The following RBFOX1 variants were observed in gnomAD, a reference collection of about 807,000 sequenced individuals.
The protein encoded by RBFOX1 is RNA binding fox-1 homolog 1, also known as RNA binding protein fox-1 homolog 1.
RBFOX1 carries 8 observed loss-of-function variants against 57.7 expected under a neutral mutation model. The ratio of observed to expected loss-of-function variants is 0.14; its 90% CI spans 0.08 to 0.25. The LOEUF (loss-of-function observed/expected upper bound fraction) is 0.25, where lower values mean the gene tolerates loss of function less well. Among genes scored for constraint, RBFOX1 ranks in the 10% least tolerant of loss-of-function variants. The pLI, the probability that RBFOX1 is intolerant of heterozygous loss-of-function variation, is 1.00. For missense variants in RBFOX1, 611 were observed against 548.5 expected, an observed-to-expected ratio of 1.11 and a Z score of -1.14; for synonymous variants, 326 against 222.4, an observed-to-expected ratio of 1.47 and a Z score of -4.15.
At chr16:6,836,360 A>G (rs551594489) in intron 3 of RBFOX1, among the ~76,000 whole-genome samples, 1 of 152,334 alleles carries the variant, frequency 6.6e-6, no homozygotes, top group Admixed American at 6.5e-5. Context: ...AGAAACTGAA[A>G]CACACAGCAA....
chr16:7,342,563 A>T (rs575243911), intron 4 of RBFOX1, among the ~76,000 whole-genome samples: 57 of 152,186 alleles, frequency 3.7e-4, no homozygotes, highest in African/African-American at 1.3e-3. Flanking sequence ...ATAAATCGAG[A>T]TGCTCTAGGT....
At chr16:7,371,666 C>G (rs1412789270) in intron 4 of RBFOX1, among the ~76,000 whole-genome samples, 1 of 152,166 alleles carries the variant, frequency 6.6e-6, no homozygotes, top group African/African-American at 2.4e-5. Flanking sequence ...AGGAGAATCG[C>G]TTGAACCCAT....
intron 3 of RBFOX1, among the ~76,000 whole-genome samples, chr16:6,872,675 C>T (rs890351934): frequency 1.3e-5 from 2 of 152,144 alleles, no homozygotes; most frequent in African/African-American, 2.4e-5. Flanking sequence ...ACTGTCACTG[C>T]TAGCAAAATT....
intron 2 of RBFOX1, among the ~76,000 whole-genome samples, chr16:6,479,250 A>G (rs1394166941): frequency 6.6e-6 from 1 of 152,204 alleles, no homozygotes; most frequent in African/African-American, 2.4e-5. Context: ...GAAACTTTCA[A>G]TTATGGCGGA....
At chr16:7,242,645 G>A (rs1343251153) in intron 4 of RBFOX1, among the ~76,000 whole-genome samples, 1 of 152,214 alleles carries the variant, frequency 6.6e-6, no homozygotes, top group African/African-American at 2.4e-5. Context: ...TCAGCATGCA[G>A]TCAATTCAGT....
intron 3 of RBFOX1, among the ~76,000 whole-genome samples, chr16:6,840,416 A>G (rs2093393603): frequency 6.6e-6 from 1 of 152,146 alleles, no homozygotes; most frequent in African/African-American, 2.4e-5. Flanking sequence ...GTTGAGTATG[A>G]TCACAGTCTT....
chr16:7,278,474 C>G (rs1001576050), intron 4 of RBFOX1, among the ~76,000 whole-genome samples: 1 of 152,180 alleles, frequency 6.6e-6, no homozygotes, highest in African/African-American at 2.4e-5. Flanking sequence ...TATTTACTTT[C>G]ATCATACAGA....
intron 4 of RBFOX1, among the ~76,000 whole-genome samples, chr16:5,984,976 A>ATATTTTTT (rs1359064334): frequency 1.8e-5 from 1 of 55,704 alleles, no homozygotes; most frequent in African/African-American, 8.7e-5. Context: ...ATATATATAT[A>ATATTTTTT]TTTTTTTTTT....
chr16:6,865,581 A>T (rs1045321571), intron 3 of RBFOX1, among the ~76,000 whole-genome samples: 1 of 152,170 alleles, frequency 6.6e-6, no homozygotes, highest in Non-Finnish European at 1.5e-5. Context: ...AATTGTAGAT[A>T]ATATTTTGTG....
chr16:5,766,413 C>A (rs558657913), intron 3 of RBFOX1, among the ~76,000 whole-genome samples: 1 of 152,182 alleles, frequency 6.6e-6, no homozygotes, highest in South Asian at 2.1e-4. Flanking sequence ...GACGAAACCT[C>A]GTCTCTACTA....
intron 2 of RBFOX1, among the ~76,000 whole-genome samples, chr16:5,479,065 C>T (rs2069430371): frequency 6.6e-6 from 1 of 152,190 alleles, no homozygotes; most frequent in Admixed American, 6.5e-5. Context: ...CTGTTCCCTT[C>T]CAGGACCCTG....
intron 5 of RBFOX1, among the ~76,000 whole-genome samples, chr16:7,556,996 G>A (rs1293919886): frequency 6.6e-6 from 1 of 152,038 alleles, no homozygotes; most frequent in Non-Finnish European, 1.5e-5. Flanking sequence ...TCATCATATG[G>A]ATATCATGAA....
At chr16:6,118,069 A>T (rs995955492) in intron 1 of RBFOX1, among the ~76,000 whole-genome samples, 1 of 152,202 alleles carries the variant, frequency 6.6e-6, no homozygotes, top group Non-Finnish European at 1.5e-5. Context: ...AGTCCAGAGA[A>T]TTTCTGTATA....
At chr16:7,254,341 C>T (rs920126066) in intron 4 of RBFOX1, among the ~76,000 whole-genome samples, 2 of 152,158 alleles carry the variant, frequency 1.3e-5, no homozygotes, top group Non-Finnish European at 2.9e-5. Context: ...GGAAGACCAA[C>T]CCTGGGCTCC....
At chr16:6,320,103 G>T (rs142957337) in intron 2 of RBFOX1, among the ~76,000 whole-genome samples, 1 of 152,208 alleles carries the variant, frequency 6.6e-6, no homozygotes, top group Non-Finnish European at 1.5e-5. Context: ...AAGGTTGGGA[G>T]GAGGTTGAGG....
rs1388441537 is a variant in RBFOX1, at chr16:6,780,219, TTA to T, written c.-16+125579_-16+125580del. On this transcript the variant is annotated intron_variant, in intron 3 of 15. Transcript: ENST00000550418. ...TATATTTTTATATATTTATATATAT[TTA>T]TATATATATTTATATATATTTACAT... Among the ~76,000 whole-genome samples the T allele has an allele frequency of 4.8e-4, 34 of 70,778 alleles. 2 individuals carry two copies. The highest frequency in any genetic ancestry group is 1.1e-3 in the South Asian group (2 of 1,820). 46.4% of individuals were successfully genotyped at this position (70,778 alleles called of 152,430 possible). A position where few individuals can be genotyped will look rare whatever the true frequency, so the allele number is the denominator to read the frequency against.
At chr16:5,532,270 G>A (rs999160849) in intron 2 of RBFOX1, among the ~76,000 whole-genome samples, 1 of 152,174 alleles carries the variant, frequency 6.6e-6, no homozygotes, top group East Asian at 1.9e-4. Flanking sequence ...TCCTCTAGTT[G>A]TGACAAGCAG....
chr16:6,747,768 G>A (rs993081609), intron 3 of RBFOX1, among the ~76,000 whole-genome samples: 1 of 152,060 alleles, frequency 6.6e-6, no homozygotes, highest in Non-Finnish European at 1.5e-5. Flanking sequence ...AGATTCCTGG[G>A]AGTTGTCAAT....
intron 3 of RBFOX1, among the ~76,000 whole-genome samples, chr16:6,982,525 C>T (rs1243977904): frequency 2.0e-5 from 3 of 152,098 alleles, no homozygotes; most frequent in East Asian, 1.9e-4. Context: ...ACGGCCTCGC[C>T]CTCTGTTCAT....
Sources: gnomAD v4.1 joint callset for allele counts (sites outside exome capture counted in the v4.1 genomes callset) on GRCh38, gnomAD v4.1.1 for gene constraint, MANE v1.5 for transcripts, NCBI Gene and HGNC (gene_info 2026-07-23, HGNC 2026-07-21) for gene names.